ZNF276: variants seen among roughly 807,000 people sequenced by gnomAD.
ZNF276 encodes zinc finger protein 276.
Under a neutral mutation model 63.9 loss-of-function variants are expected in ZNF276, and 59 were observed. The ratio of observed to expected loss-of-function variants is 0.92; its 90% CI spans 0.75 to 1.15. The LOEUF (loss-of-function observed/expected upper bound fraction) is 1.15, where lower values mean the gene tolerates loss of function less well. Among genes scored for constraint, ZNF276 ranks in the 50% most tolerant of loss-of-function variants. The probability of loss-of-function intolerance (pLI) is 0.00; values close to 1 mark genes in which losing one functional copy is unlikely to be tolerated. For missense variants in ZNF276, 1,084 were observed against 843.8 expected, an observed-to-expected ratio of 1.28 and a Z score of -3.53; for synonymous variants, 496 against 348.4, an observed-to-expected ratio of 1.42 and a Z score of -4.72.
rs1471059313 is a variant in ZNF276, at chr16:89,722,745, C to T, written c.420C>T (p.His140=). ...CTCCGTTTGTCTGCAAGAGCTGCCACGCCCAGTTCTACCAGTGCCACAGCC... is the reference window on the plus strand; with the variant it reads ...CTCCGTTTGTCTGCAAGAGCTGCCATGCCCAGTTCTACCAGTGCCACAGCC... ...TLSPFVCKSC[H]AQFYQCHSLL... Residue 140 remains histidine, a synonymous_variant, in exon 2 of 11, where the codon CAC becomes CAT. Coordinates refer to ENST00000443381, the MANE Select transcript of ZNF276 (RefSeq NM_001113525.2). 1.9e-6 allele frequency: 3 copies of T among 1,611,746 alleles called. No individual in the cohort carries two copies. The highest frequency in any genetic ancestry group is 1.3e-5 in the African/African-American group (1 of 75,080).
chr16:89,739,896 A>T lies in ZNF276; in HGVS notation c.*1650A>T, dbSNP rs547409635. On this transcript the variant is annotated 3_prime_UTR_variant, in exon 11 of 11. Coordinates refer to ENST00000443381, the MANE Select transcript of ZNF276 (RefSeq NM_001113525.2). The stretch of plus-strand genomic sequence containing the variant: ...TAAAATGGAGCTTATAAACTTACTT[A>T]GCAAGGAACCTCAAGGAGGGCTCGT... 7.0e-6 allele frequency: 11 copies of T among 1,573,692 alleles called. No individual in the cohort carries two copies. The highest frequency in any genetic ancestry group is 8.6e-6 in the Non-Finnish European group (10 of 1,159,432).
At chr16:89,720,853 A>G, upstream of ZNF276, 1 of 1,418,242 alleles carries the variant, frequency 7.1e-7, no homozygotes, top group Non-Finnish European at 9.3e-7. Flanking sequence ...CCCCGGCCGC[A>G]GCGGCCATGG....
At chr16:89,731,285 GCT>G (rs2061641592) in intron 6 of ZNF276, among the ~76,000 whole-genome samples, 1 of 152,238 alleles carries the variant, frequency 6.6e-6, no homozygotes, top group Non-Finnish European at 1.5e-5. Context: ...ATGGAGTCTT[GCT>G]CTGTTGCCCA....
At position 89,739,480 on chromosome 16, in the gene ZNF276, G is replaced by A. The variant is rs1278514199; in HGVS notation, c.*1234G>A. The A allele has an allele frequency of 6.4e-7, 1 of 1,551,370 alleles. No individual in the cohort carries two copies. ...ACCAGCCCTGTGGGTGGAGGTACCT[G>A]TAAAAAGCGAAAGGCAGCAGCCTGG... On this transcript the variant is annotated 3_prime_UTR_variant, in exon 11 of 11. Transcript: ENST00000443381.
intron 4 of ZNF276, among the ~76,000 whole-genome samples, chr16:89,724,127 G>A (rs1439132888): frequency 1.3e-5 from 2 of 152,228 alleles, no homozygotes; most frequent in African/African-American, 2.4e-5. Flanking sequence ...TCAGCCAGCC[G>A]CCTGGTGACA....
chr16:89,725,678 C>G lies in ZNF276; in HGVS notation c.1007-1601C>G, dbSNP rs368745379. ...TGGCTGTGGTTGCCTGTAGGCCCAG[C>G]TACTTGGGAGGCTGAGGCAGGAGAA... On this transcript the variant is annotated intron_variant, in intron 4 of 10. Coordinates refer to ENST00000443381, the MANE Select transcript of ZNF276 (RefSeq NM_001113525.2). 6.6e-5 allele frequency among the ~76,000 whole-genome samples: 10 copies of G among 152,130 alleles called. 1 individual carries two copies. Among genetic ancestry groups the G allele is most frequent in the African/African-American group, 2.4e-4 (10 of 41,528 alleles).
At chr16:89,731,247 C>T (rs1028834059) in intron 6 of ZNF276, among the ~76,000 whole-genome samples, 1 of 152,224 alleles carries the variant, frequency 6.6e-6, no homozygotes, top group Non-Finnish European at 1.5e-5. Context: ...AACAGTTCTT[C>T]TCAGTGCGTT....
intron 1 of ZNF276, among the ~76,000 whole-genome samples, chr16:89,722,301 C>T (rs1253077348): frequency 1.3e-5 from 2 of 152,232 alleles, no homozygotes; most frequent in African/African-American, 4.8e-5. Flanking sequence ...GAAGTTGCTT[C>T]GCTGGAGAGG....
In ZNF276 at chr16:89,737,830, A is replaced by G. The variant is rs770383333; in HGVS notation, c.1499A>G (p.Glu500Gly). 6.2e-7 allele frequency: 1 copy of G among 1,614,160 alleles called. No homozygotes were observed. Among genetic ancestry groups the G allele is most frequent in the East Asian group, 2.2e-5 (1 of 44,872 alleles). The part of the protein sequence containing the change: ...HTEVRNYICD[E>G]CGQTFKQRKH... ...GAGGTGCGGAACTATATCTGTGACG[A>G]ATGTGGACAAACCTTCAAGCAGCGG... The change falls in exon 10 of 11, where the codon GAA (glutamate) becomes GGA (glycine). Residue 500 changes from glutamate (E) to glycine (G), a missense_variant. Glu to Gly is a moderately conservative substitution (Grantham distance 98, BLOSUM62 -2). Transcript: ENST00000443381.
chr16:89,737,287 C>A (rs189864445), intron 9 of ZNF276, among the ~76,000 whole-genome samples: 1 of 152,034 alleles, frequency 6.6e-6, no homozygotes, highest in African/African-American at 2.4e-5. Context: ...TTTGGGAGAC[C>A]GAGGCAGGCA....
At chr16:89,722,463 A>C in intron 1 of ZNF276, 68 bp from the exon 2 acceptor site, 1 of 1,505,818 alleles carries the variant, frequency 6.6e-7, no homozygotes, top group Non-Finnish European at 8.9e-7. Context: ...TCGGACCTGG[A>C]GTCCGGGACG....
In ZNF276 at chr16:89,733,387, T is replaced by G. The variant is rs1172440688; in HGVS notation, c.1255T>G (p.Trp419Gly). The G allele has an allele frequency of 1.2e-6, 2 of 1,614,144 alleles. No individual in the cohort carries two copies. The highest frequency in any genetic ancestry group is 1.7e-6 in the Non-Finnish European group (2 of 1,180,032). Residue 419 changes from tryptophan to glycine, a missense_variant, in exon 7 of 11, where the codon TGG becomes GGG. Coordinates refer to ENST00000443381, the MANE Select transcript of ZNF276 (RefSeq NM_001113525.2). ...GAAGAAGCCGGGACCCAAGCCCGGA[T>G]GGAAGAAGAAGCTTCGTTGTGAGAG... Reference protein sequence around the residue: ...IRKKPGPKPGWKKKLRCEREE... With the variant: ...IRKKPGPKPGGKKKLRCEREE...
intron 6 of ZNF276, among the ~76,000 whole-genome samples, chr16:89,729,584 C>T (rs2061580496): frequency 6.6e-6 from 1 of 152,218 alleles, no homozygotes; most frequent in Non-Finnish European, 1.5e-5. Context: ...CAGTGGATGG[C>T]AGGTGTCTCT....
rs749030538 is a variant in ZNF276, at chr16:89,737,219, G to A, written c.1475-587G>A. Among the ~76,000 whole-genome samples the A allele has an allele frequency of 8.2e-4, 124 of 152,082 alleles. 2 individuals are homozygous for A. The highest frequency in any genetic ancestry group is 3.1e-4 in the Non-Finnish European group (21 of 68,004). ...GTATTCTATACAACCTTAGTGATAC[G>A]GCTTCCTTTAAGAATTTGTAGGCCA... On this transcript the variant is annotated intron_variant, in intron 9 of 10. Coordinates refer to ENST00000443381, the MANE Select transcript of ZNF276 (RefSeq NM_001113525.2).
chr16:89,729,447 A>T (rs1482327973), intron 6 of ZNF276, 129 bp downstream of exon 6: 6 of 826,574 alleles, frequency 7.3e-6, no homozygotes, highest in Non-Finnish European at 9.7e-6. Flanking sequence ...GAGCCCAGTG[A>T]AACGTGGCTT....
chr16:89,721,451 G>A (rs2061267206), upstream of ZNF276: 1 of 489,194 alleles, frequency 2.0e-6, no homozygotes, highest in Non-Finnish European at 3.4e-6. Context: ...TGGCACCGCG[G>A]GTGGAACCTC....
Position 89,739,509 on chromosome 16 carries a change from G to A in ZNF276, c.*1263G>A, listed in dbSNP as rs2151712845. ...AAAGCGAAAGGCAGCAGCCTGGTGT[G>A]CTGATCCGGGGCCACACGGAGGAGG... On this transcript the variant is annotated 3_prime_UTR_variant, in exon 11 of 11. Transcript: ENST00000443381. 1.3e-6 allele frequency: 2 copies of A among 1,551,410 alleles called. No homozygotes were observed. The highest frequency in any genetic ancestry group is 1.7e-6 in the Non-Finnish European group (2 of 1,147,140).
At chr16:89,729,422 G>T (rs765395573) in intron 6 of ZNF276, 104 bp downstream of exon 6, 3 of 1,033,642 alleles carry the variant, frequency 2.9e-6, no homozygotes, top group South Asian at 2.7e-5. Context: ...TCACTCTCTC[G>T]TGTGCGGATC....
intron 9 of ZNF276, among the ~76,000 whole-genome samples, chr16:89,735,925 C>T (rs1309684118): frequency 6.8e-6 from 1 of 146,340 alleles, no homozygotes; most frequent in African/African-American, 2.5e-5. Flanking sequence ...GAGTCTTGCT[C>T]TTGTCGCCCA....
Sources: allele counts gnomAD v4.1 joint callset (sites outside exome capture counted in the v4.1 genomes callset), GRCh38; gene constraint gnomAD v4.1.1; transcripts MANE v1.5; gene names NCBI Gene and HGNC (gene_info 2026-07-23, HGNC 2026-07-21).